Variants in LRFN5 observed in about 807,000 individuals in gnomAD.
The protein encoded by LRFN5 is leucine rich repeat and fibronectin type III domain containing 5, also known as leucine-rich repeat and fibronectin type-III domain-containing protein 5.
Under a neutral mutation model 45.6 loss-of-function variants are expected in LRFN5, and 24 were observed. The ratio of observed to expected loss-of-function variants is 0.53; its 90% CI spans 0.38 to 0.74. LRFN5 has a LOEUF of 0.74. Among genes scored for constraint, LRFN5 ranks in the 30% least tolerant of loss-of-function variants. LRFN5 has a pLI of 0.00. For missense variants in LRFN5, 776 were observed against 861.5 expected (o/e 0.90, Z 1.24); for synonymous variants, 340 against 313.8 (o/e 1.08, Z -0.88).
chr14:41,756,585 C>G (rs1282901676), intron 1 of LRFN5, among the ~76,000 whole-genome samples: 2 of 152,152 alleles, frequency 1.3e-5, no homozygotes, highest in Non-Finnish European at 2.9e-5. Flanking sequence ...CCGTAGTTCT[C>G]GTGCCATGGT....
chr14:41,777,657 A>T (rs576937927), intron 2 of LRFN5, among the ~76,000 whole-genome samples: 1 of 151,842 alleles, frequency 6.6e-6, no homozygotes, highest in Non-Finnish European at 1.5e-5. Context: ...GCTCTATTAC[A>T]TTGGTAAATG....
chr14:41,679,112 G>C (rs1448171083), intron 1 of LRFN5, among the ~76,000 whole-genome samples: 2 of 152,094 alleles, frequency 1.3e-5, no homozygotes, highest in Non-Finnish European at 2.9e-5. Context: ...CCTGAGTTCT[G>C]GCAAGCCCCA....
At chr14:41,830,178 G>T (rs1040924511) in intron 2 of LRFN5, among the ~76,000 whole-genome samples, 1 of 151,296 alleles carries the variant, frequency 6.6e-6, no homozygotes, top group Non-Finnish European at 1.5e-5. Context: ...TATATTTCTT[G>T]TGTTTATATC....
chr14:41,734,007 A>AT (rs1420697122), intron 1 of LRFN5, among the ~76,000 whole-genome samples: 1 of 132,350 alleles, frequency 7.6e-6, no homozygotes, highest in Admixed American at 7.5e-5. Context: ...GTATATATAT[A>AT]TTTTTTCTTT....
chr14:41,765,350 A>AT (rs1566659835), intron 1 of LRFN5, among the ~76,000 whole-genome samples: 1 of 120,204 alleles, frequency 8.3e-6, no homozygotes, highest in Non-Finnish European at 1.7e-5. Context: ...TCAAAAAAAA[A>AT]GGAGGAAAAA....
chr14:41,684,771 G>A (rs1474078490), intron 1 of LRFN5, among the ~76,000 whole-genome samples: 6 of 152,156 alleles, frequency 3.9e-5, no homozygotes, highest in Non-Finnish European at 8.8e-5. Flanking sequence ...CTCCACAAGC[G>A]CAGGCAACCA....
intron 1 of LRFN5, among the ~76,000 whole-genome samples, chr14:41,723,864 A>G (rs1883825077): frequency 6.6e-6 from 1 of 152,206 alleles, no homozygotes; most frequent in Non-Finnish European, 1.5e-5. Context: ...ATGTCACCAA[A>G]GAATGACTGA....
At chr14:41,675,076 A>G (rs965582680) in intron 1 of LRFN5, among the ~76,000 whole-genome samples, 4 of 150,988 alleles carry the variant, frequency 2.6e-5, no homozygotes, top group African/African-American at 9.8e-5. Flanking sequence ...CTCACTTCCT[A>G]GATGGGATGG....
chr14:41,679,099 G>A (rs1881770157), intron 1 of LRFN5, among the ~76,000 whole-genome samples: 1 of 152,086 alleles, frequency 6.6e-6, no homozygotes, highest in African/African-American at 2.4e-5. Context: ...CCAGGGGTTG[G>A]AACCTGAGTT....
chr14:41,652,167 G>GT (rs1226552445), intron 1 of LRFN5, among the ~76,000 whole-genome samples: 2 of 152,030 alleles, frequency 1.3e-5, no homozygotes, highest in South Asian at 4.2e-4. Context: ...TATTAAAATT[G>GT]TTTTTAATAT....
chr14:41,871,450 A>G (rs1890015698), intron 2 of LRFN5, among the ~76,000 whole-genome samples: 1 of 151,970 alleles, frequency 6.6e-6, no homozygotes, highest in African/African-American at 2.4e-5. Context: ...TTAGTTGGGC[A>G]TGGTGGTGGG....
chr14:41,846,232 C>CACACACAT (rs1555326079), intron 2 of LRFN5, among the ~76,000 whole-genome samples: 7 of 151,522 alleles, frequency 4.6e-5, no homozygotes, highest in Non-Finnish European at 7.4e-5. Context: ...CACACACACA[C>CACACACAT]GCACACACAC....
intron 1 of LRFN5, among the ~76,000 whole-genome samples, chr14:41,757,643 G>A (rs1885466110): frequency 6.6e-6 from 1 of 152,140 alleles, no homozygotes; most frequent in Non-Finnish European, 1.5e-5. Flanking sequence ...CAATTTTCCA[G>A]GTGCCATCTG....
At chr14:41,797,151 T>C (rs562295507) in intron 2 of LRFN5, among the ~76,000 whole-genome samples, 52 of 152,022 alleles carry the variant, frequency 3.4e-4, no homozygotes, top group African/African-American at 1.2e-3. Flanking sequence ...GAAAGTTTCT[T>C]GTCATAGTGA....
chr14:41,749,203 A>C (rs1885033764), intron 1 of LRFN5, among the ~76,000 whole-genome samples: 1 of 144,474 alleles, frequency 6.9e-6, no homozygotes, highest in Non-Finnish European at 1.6e-5. Flanking sequence ...TTTCCAATAC[A>C]TGAGCGTTGA....
chr14:41,858,198 C>T (rs555819366), intron 2 of LRFN5, among the ~76,000 whole-genome samples: 1 of 152,234 alleles, frequency 6.6e-6, no homozygotes. Context: ...TTATCTTCAC[C>T]TGTTAGTGAG....
intron 1 of LRFN5, among the ~76,000 whole-genome samples, chr14:41,692,558 C>T (rs946120954): frequency 6.6e-6 from 1 of 152,046 alleles, no homozygotes; most frequent in Non-Finnish European, 1.5e-5. Flanking sequence ...AATGCTATCC[C>T]TCCTAACTTC....
chr14:41,894,927 G>A (rs1186756630), intron 4 of LRFN5: 8 of 982,992 alleles, frequency 8.1e-6, no homozygotes, highest in Non-Finnish European at 9.7e-6. Flanking sequence ...GAAGCATCTG[G>A]TTTGCTGTTT....
At chr14:41,823,353 C>T (rs1566466270) in intron 2 of LRFN5, among the ~76,000 whole-genome samples, 7 of 151,730 alleles carry the variant, frequency 4.6e-5, no homozygotes, top group Non-Finnish European at 5.9e-5. Context: ...CCTTAGCATT[C>T]GCTTGTTTGG....
Sources: gnomAD v4.1 joint callset for allele counts (sites outside exome capture counted in the v4.1 genomes callset) on GRCh38, gnomAD v4.1.1 for gene constraint, MANE v1.5 for transcripts, NCBI Gene and HGNC (gene_info 2026-07-23, HGNC 2026-07-21) for gene names.